Variants in B3GLCT observed in about 807,000 individuals in gnomAD.
B3GLCT encodes beta 3-glucosyltransferase.
In B3GLCT, 65 loss-of-function variants were observed where a neutral mutation model predicts 63.4. The ratio of observed to expected loss-of-function variants is 1.03; its 90% confidence interval spans 0.84 to 1.26. B3GLCT has a LOEUF of 1.26. B3GLCT is among the 50% of genes most tolerant of loss of function. The pLI, the probability that B3GLCT is intolerant of heterozygous loss-of-function variation, is 0.00. For missense variants in B3GLCT, 577 were observed against 604.8 expected (o/e 0.95, Z 0.48); for synonymous variants, 233 against 219.2 (o/e 1.06, Z -0.55).
chr13:31,208,140 G>C (rs1869058285), intron 1 of B3GLCT, among the ~76,000 whole-genome samples: 2 of 151,288 alleles, frequency 1.3e-5, no homozygotes, highest in Non-Finnish European at 3.0e-5. Flanking sequence ...TTGACCTTAT[G>C]CTGTATGACT....
Position 31,274,583 on chromosome 13 carries a change from G to T in B3GLCT, c.735G>T (p.Val245=). ...TPVPEFCTND[V]DFYCATTFHS... ...TGCCTGAGTTTTGTACCAATGACGTGGACTTCTACTGTGCTACCACATTCC... is the reference window on the plus strand; with the variant it reads ...TGCCTGAGTTTTGTACCAATGACGTTGACTTCTACTGTGCTACCACATTCC... Residue 245 remains valine, a synonymous_variant, in exon 9 of 15, where the codon GTG becomes GTT. Coordinates refer to ENST00000343307, the MANE Select transcript of B3GLCT (RefSeq NM_194318.4). 6.2e-7 allele frequency: 1 copy of T among 1,614,130 alleles called. No individual in the cohort carries two copies. Among genetic ancestry groups the T allele is most frequent in the Non-Finnish European group, 8.5e-7 (1 of 1,180,030 alleles).
intron 12 of B3GLCT, chr13:31,312,745 CTG>C (rs1236412800): frequency 6.6e-6 from 1 of 152,152 alleles, no homozygotes; most frequent in Non-Finnish European, 1.5e-5. Flanking sequence ...ACTAATAAAA[CTG>C]AGTTGGAAAA....
intron 13 of B3GLCT, among the ~76,000 whole-genome samples, chr13:31,318,837 C>T (rs1875188315): frequency 6.6e-6 from 1 of 152,176 alleles, no homozygotes; most frequent in Non-Finnish European, 1.5e-5. Context: ...GGTTTATATA[C>T]TTTATAGCAT....
At position 31,247,085 on chromosome 13, in the gene B3GLCT, TC is replaced by T. The variant is rs2137805318; in HGVS notation, c.335del (p.Pro112ArgfsTer8). On this transcript the variant is annotated frameshift_variant, in exon 5 of 15. Transcript: ENST00000343307. LOFTEE classifies it high-confidence loss of function. ...AACAAGAAGGTGCATGGACCATACT[TC>T]CGTTGTTACCGCAGTACGTTTGTTT... is the stretch of plus-strand genomic sequence containing the variant. ...AKQEGAWTIL[P>X]LLPHFSVTYS... 6.2e-7 allele frequency: 1 copy of T among 1,613,422 alleles called. No homozygotes were observed. The highest frequency in any genetic ancestry group is 8.5e-7 in the Non-Finnish European group (1 of 1,179,490).
intron 7 of B3GLCT, among the ~76,000 whole-genome samples, chr13:31,263,097 G>T (rs1169011308): frequency 6.6e-6 from 1 of 152,102 alleles, no homozygotes; most frequent in Non-Finnish European, 1.5e-5. Flanking sequence ...TGGCAAGCGG[G>T]GGTGTAATCA....
intron 3 of B3GLCT, among the ~76,000 whole-genome samples, chr13:31,228,250 A>C (rs1407817746): frequency 6.6e-6 from 1 of 152,202 alleles, no homozygotes; most frequent in African/African-American, 2.4e-5. Context: ...AATCCTGGCT[A>C]GGTGCCTTAT....
chr13:31,256,598 AAG>A (rs1871753635), intron 6 of B3GLCT, among the ~76,000 whole-genome samples: 1 of 152,230 alleles, frequency 6.6e-6, no homozygotes, highest in Admixed American at 6.5e-5. Flanking sequence ...AGCCATAAAA[AAG>A]GACGAGTTCA....
chr13:31,243,570 A>C (rs541837558), intron 4 of B3GLCT, among the ~76,000 whole-genome samples: 2 of 152,190 alleles, frequency 1.3e-5, no homozygotes, highest in Non-Finnish European at 2.9e-5. Context: ...ACCCTTCTCC[A>C]TTCTAAAAAT....
Position 31,199,985 on chromosome 13 carries a change from C to G in B3GLCT, c.-100C>G. Reference sequence around the variant, plus strand: ...AGGAGGGGAGCCGGCAGAGAAGGGTCAGCCGCGGCGGCAGGGCGGCGGCGG... The same window carrying G: ...AGGAGGGGAGCCGGCAGAGAAGGGTGAGCCGCGGCGGCAGGGCGGCGGCGG... On this transcript the variant is annotated 5_prime_UTR_variant, in exon 1 of 15. Transcript: ENST00000343307. The G allele has an allele frequency of 4.4e-6, 3 of 675,850 alleles. No individual in the cohort carries two copies. The highest frequency in any genetic ancestry group is 6.0e-6 in the Non-Finnish European group (3 of 502,596). 41.9% of individuals were successfully genotyped at this position (675,850 alleles called of 1,614,324 possible).
rs752292217 is a variant in B3GLCT, at chr13:31,276,788, T to A, written c.850+17T>A. 1.0e-5 allele frequency: 16 copies of A among 1,587,968 alleles called. No individual in the cohort carries two copies. In the Admixed American group the frequency reaches 2.3e-4, roughly 23 times the overall value. On this transcript the variant is annotated intron_variant, in intron 10 of 14. Coordinates refer to ENST00000343307, the MANE Select transcript of B3GLCT (RefSeq NM_194318.4). ...GTGACAGAAGTATGTTTTGGGTTAT[T>A]CATTTTATTGAACGCTAAAATCCAG...
At position 31,213,024 on chromosome 13, in the gene B3GLCT, G is replaced by A. The variant is rs191061557; in HGVS notation, c.71-2027G>A. On this transcript the variant is annotated intron_variant, in intron 1 of 14. Coordinates refer to ENST00000343307, the MANE Select transcript of B3GLCT (RefSeq NM_194318.4). ...TTGAAGAAATGATTGGGCTTTGTGTGTGTGTGTGTGTGCACGCGTGCGCGT... is the reference window on the plus strand; with the variant it reads ...TTGAAGAAATGATTGGGCTTTGTGTATGTGTGTGTGTGCACGCGTGCGCGT... Among the ~76,000 whole-genome samples the A allele has an allele frequency of 4.0e-5, 6 of 150,506 alleles. No individual in the cohort carries two copies. The East Asian group carries it at 1.2e-3, about 29-fold the overall frequency.
intron 9 of B3GLCT, among the ~76,000 whole-genome samples, chr13:31,276,446 A>C (rs1463369176): frequency 6.6e-6 from 1 of 152,188 alleles, no homozygotes; most frequent in African/African-American, 2.4e-5. Context: ...AAACAAGCAG[A>C]CTGAAATTCT....
chr13:31,244,545 A>G (rs564226692), intron 4 of B3GLCT, among the ~76,000 whole-genome samples: 1 of 152,302 alleles, frequency 6.6e-6, no homozygotes, highest in Non-Finnish European at 1.5e-5. Flanking sequence ...TCATTTAGTG[A>G]CACTACCTTT....
chr13:31,262,349 G>A (rs1872077668), intron 7 of B3GLCT, among the ~76,000 whole-genome samples: 1 of 152,232 alleles, frequency 6.6e-6, no homozygotes. Flanking sequence ...CACGCACTCA[G>A]TCCTGGGCCT....
At chr13:31,313,896 C>T (rs976704358) in intron 12 of B3GLCT, among the ~76,000 whole-genome samples, 3 of 152,148 alleles carry the variant, frequency 2.0e-5, no homozygotes, top group Admixed American at 2.0e-4. Context: ...TCAGGGTCCC[C>T]ATGCTGTGTG....
chr13:31,329,556 T>C lies in B3GLCT; in HGVS notation c.1385T>C (p.Phe462Ser). ...CTTTCTCATCAAGTTCCCATATCGT[T>C]CCACAAACACTGGAACATCGATCCA... ...DYLSHQVPIS[F>S]HKHWNIDPVK... is the part of the protein sequence containing the mutation. Residue 462 changes from phenylalanine to serine, a missense_variant, in exon 15 of 15, where the codon TTC (phenylalanine) becomes TCC (serine). Coordinates refer to ENST00000343307, the MANE Select transcript of B3GLCT (RefSeq NM_194318.4). 6.2e-7 allele frequency: 1 copy of C among 1,614,234 alleles called. No homozygotes were observed. The highest frequency in any genetic ancestry group is 8.5e-7 in the Non-Finnish European group (1 of 1,180,040).
chr13:31,298,183 G>T (rs765124133), intron 12 of B3GLCT, among the ~76,000 whole-genome samples: 2 of 152,188 alleles, frequency 1.3e-5, no homozygotes, highest in African/African-American at 2.4e-5. Context: ...CCTACAAAAA[G>T]ATAGCAATTT....
chr13:31,247,094 A>AC lies in B3GLCT; in HGVS notation c.344dup (p.His116AlafsTer7). On this transcript the variant is annotated frameshift_variant, in exon 5 of 15. Transcript: ENST00000343307. LOFTEE classifies it high-confidence loss of function. ...GTGCATGGACCATACTTCCGTTGTT[A>AC]CCGCAGTACGTTTGTTTAACTCACC... 6.2e-7 allele frequency: 1 copy of AC among 1,612,230 alleles called. No homozygotes were observed. Among genetic ancestry groups the AC allele is most frequent in the Non-Finnish European group, 8.5e-7 (1 of 1,178,744 alleles).
intron 2 of B3GLCT, among the ~76,000 whole-genome samples, chr13:31,215,336 A>G (rs1869504081): frequency 6.6e-6 from 1 of 152,222 alleles, no homozygotes; most frequent in Non-Finnish European, 1.5e-5. Flanking sequence ...TTTGAGAAAA[A>G]ACGTGTTTTG....
Sources: gnomAD v4.1 joint callset for allele counts (sites outside exome capture counted in the v4.1 genomes callset) on GRCh38, gnomAD v4.1.1 for gene constraint, MANE v1.5 for transcripts, NCBI Gene and HGNC (gene_info 2026-07-23, HGNC 2026-07-21) for gene names.